Variants in MCU observed in about 807,000 individuals in gnomAD.
MCU encodes the protein mitochondrial calcium uniporter, also known as calcium uniporter protein, mitochondrial.
Under a neutral mutation model 45.2 loss-of-function variants are expected in MCU, and 12 were observed. The observed-to-expected ratio is 0.27, with a 90% CI of 0.17 to 0.43. The LOEUF is 0.43. MCU is among the 20% of genes least tolerant of loss of function. The pLI is 1.00. For missense variants in MCU, 324 were observed against 436.7 expected, an observed-to-expected ratio of 0.74 and a Z score of 2.30; for synonymous variants, 160 against 165.1, an observed-to-expected ratio of 0.97 and a Z score of 0.24.
At chr10:72,879,607 A>G (rs1253927405) in intron 6 of MCU, among the ~76,000 whole-genome samples, 1 of 152,264 alleles carries the variant, frequency 6.6e-6, no homozygotes, top group Non-Finnish European at 1.5e-5. Context: ...GGCAGAAGAA[A>G]GATTATCACA....
intron 2 of MCU, among the ~76,000 whole-genome samples, chr10:72,853,808 G>A: frequency 6.6e-6 from 1 of 152,114 alleles, no homozygotes; most frequent in East Asian, 1.9e-4. Context: ...CTTGAGACCA[G>A]CCTGGGCAAC....
chr10:72,871,600 A>T lies in MCU; in HGVS notation c.861+20A>T, dbSNP rs774538086. 6.3e-7 allele frequency: 1 copy of T among 1,592,114 alleles called. No individual in the cohort carries two copies. Among genetic ancestry groups the T allele is most frequent in the South Asian group, 1.1e-5 (1 of 90,650 alleles). On this transcript the variant is annotated intron_variant, in intron 6 of 7. Transcript: ENST00000373053. ...CGCCAGGTAAGAATTCTCTTCAAGT[A>T]ACTTTTTATGAGATAGTAATAAAGT... is the stretch of plus-strand genomic sequence containing the variant.
intron 1 of MCU, among the ~76,000 whole-genome samples, chr10:72,728,339 C>T (rs1248105796): frequency 2.0e-5 from 3 of 152,110 alleles, no homozygotes; most frequent in Non-Finnish European, 2.9e-5. Flanking sequence ...AGAAATTCGC[C>T]AAACGAGAAA....
At chr10:72,784,914 G>C (rs1047053694) in intron 1 of MCU, among the ~76,000 whole-genome samples, 1 of 152,134 alleles carries the variant, frequency 6.6e-6, no homozygotes, top group African/African-American at 2.4e-5. Context: ...AAACACACAT[G>C]GATAATGATT....
At chr10:72,851,181 T>C (rs1340379987) in intron 2 of MCU, among the ~76,000 whole-genome samples, 1 of 152,222 alleles carries the variant, frequency 6.6e-6, no homozygotes, top group African/African-American at 2.4e-5. Context: ...TCTTATTTCA[T>C]TCCCTTGAAA....
At chr10:72,736,286 C>G (rs1438265486) in intron 1 of MCU, among the ~76,000 whole-genome samples, 2 of 152,098 alleles carry the variant, frequency 1.3e-5, no homozygotes, top group Non-Finnish European at 2.9e-5. Flanking sequence ...TGGGCTGTTA[C>G]AGATCATTCT....
rs141963902 is a variant in MCU, at chr10:72,810,183, G to C, written c.151-24176G>C. ...AAAGGTATTCACCTTGCAAAGGAGTGGGGAGACTTCTTTCCCTGTGTTAGA... is the reference window on the plus strand; with the variant it reads ...AAAGGTATTCACCTTGCAAAGGAGTCGGGAGACTTCTTTCCCTGTGTTAGA... On this transcript the variant is annotated intron_variant, in intron 1 of 7. Coordinates refer to ENST00000373053, the MANE Select transcript of MCU (RefSeq NM_138357.3). Among the ~76,000 whole-genome samples, 773 of 152,152 alleles carry C rather than the reference G, an allele frequency of 5.1e-3. 5 individuals are homozygous for C. Among genetic ancestry groups the C allele is most frequent in the African/African-American group, 0.018 (739 of 41,506 alleles).
chr10:72,858,985 G>T (rs1845335223), intron 2 of MCU, among the ~76,000 whole-genome samples, 192 bp from the exon 3 acceptor site: 2 of 152,126 alleles, frequency 1.3e-5, no homozygotes, highest in African/African-American at 4.8e-5. Context: ...TGAGCTATGT[G>T]ATCCATTTGA....
At chr10:72,841,795 A>G (rs926630105) in intron 2 of MCU, among the ~76,000 whole-genome samples, 18 of 152,334 alleles carry the variant, frequency 1.2e-4, no homozygotes, top group Non-Finnish European at 1.8e-4. Context: ...CTGCTACCCC[A>G]GAAGTAATCA....
chr10:72,845,399 T>C (rs1363542072), intron 2 of MCU, among the ~76,000 whole-genome samples: 1 of 152,188 alleles, frequency 6.6e-6, no homozygotes, highest in Non-Finnish European at 1.5e-5. Flanking sequence ...TTTTTCGATA[T>C]ATAAATTACG....
chr10:72,857,239 A>T (rs1232693974), intron 2 of MCU, among the ~76,000 whole-genome samples: 9 of 149,230 alleles, frequency 6.0e-5, no homozygotes, highest in Non-Finnish European at 1.0e-4. Flanking sequence ...GTTAGGGATT[A>T]AACCCCCCCC....
intron 1 of MCU, among the ~76,000 whole-genome samples, chr10:72,789,898 A>G (rs1844132289): frequency 6.6e-6 from 1 of 152,192 alleles, no homozygotes; most frequent in African/African-American, 2.4e-5. Flanking sequence ...AAATCACACC[A>G]TACAATATGG....
At chr10:72,731,026 G>A (rs1010671355) in intron 1 of MCU, 6 of 152,214 alleles carry the variant, frequency 3.9e-5, no homozygotes, top group African/African-American at 7.2e-5. Context: ...AGGCTCAAGG[G>A]ATCCACCGGC....
chr10:72,806,861 A>G (rs541176165), intron 1 of MCU, among the ~76,000 whole-genome samples: 22 of 152,232 alleles, frequency 1.4e-4, no homozygotes, highest in Non-Finnish European at 2.5e-4. Flanking sequence ...AAACGAAATT[A>G]TGCAAGGCCA....
rs1384833123 is a variant in MCU at position 72,834,246 on chromosome 10, CA to C, written c.151-110del. On this transcript the variant is annotated intron_variant, in intron 1 of 7. Coordinates refer to ENST00000373053, the MANE Select transcript of MCU (RefSeq NM_138357.3). ...TTATCTGTATTTTTAAAGTTTTCTA[CA>C]AAGCATGCATATTACTTAAGTAATC... 5 of 608,676 alleles carry C rather than the reference CA, an allele frequency of 8.2e-6. No individual in the cohort carries two copies. The South Asian group carries it at 1.1e-4, about 14-fold the overall frequency. 37.7% of individuals were successfully genotyped at this position (608,676 alleles called of 1,614,324 possible). A position where few individuals can be genotyped will look rare whatever the true frequency, so the allele number is the denominator to read the frequency against.
chr10:72,772,597 T>TGA (rs1365002459), intron 1 of MCU, among the ~76,000 whole-genome samples: 2 of 152,156 alleles, frequency 1.3e-5, no homozygotes, highest in Admixed American at 1.3e-4. Flanking sequence ...CTCAGGAGCC[T>TGA]GAGGCACGAG....
At chr10:72,809,811 A>G (rs955798203) in intron 1 of MCU, among the ~76,000 whole-genome samples, 1 of 152,196 alleles carries the variant, frequency 6.6e-6, no homozygotes, top group Non-Finnish European at 1.5e-5. Context: ...AATAAAGGAG[A>G]CATAGAAGTG....
chr10:72,810,262 G>C (rs1228240354), intron 1 of MCU, among the ~76,000 whole-genome samples: 1 of 151,910 alleles, frequency 6.6e-6, no homozygotes, highest in African/African-American at 2.4e-5. Context: ...GGAGAAGAGA[G>C]GAATTGTGAG....
intron 1 of MCU, among the ~76,000 whole-genome samples, chr10:72,750,585 T>A (rs886773806): frequency 1.3e-5 from 2 of 152,238 alleles, no homozygotes; most frequent in Non-Finnish European, 2.9e-5. Flanking sequence ...GAAGTAGGTA[T>A]GTGACGACAC....
Sources: allele counts gnomAD v4.1 joint callset (sites outside exome capture counted in the v4.1 genomes callset), GRCh38; gene constraint gnomAD v4.1.1; transcripts MANE v1.5; gene names NCBI Gene and HGNC (gene_info 2026-07-23, HGNC 2026-07-21).